The following CFAP299 variants were observed in gnomAD, a reference collection of about 807,000 sequenced individuals.
CFAP299 encodes the protein cilia- and flagella-associated protein 299.
In CFAP299, 21 loss-of-function variants were observed where a neutral mutation model predicts 27.0. The ratio of observed to expected loss-of-function variants is 0.78; its 90% confidence interval spans 0.55 to 1.12. The LOEUF (loss-of-function observed/expected upper bound fraction) is 1.12. Ranked by LOEUF, CFAP299 falls within the 50% of genes most tolerant of loss-of-function variation. CFAP299 has a pLI of 0.00. For synonymous variants in CFAP299, 104 were observed against 98.1 expected, an observed-to-expected ratio of 1.06 and a Z score of -0.36; for missense variants, 310 against 276.6, an observed-to-expected ratio of 1.12 and a Z score of -0.86.
intron 2 of CFAP299, among the ~76,000 whole-genome samples, chr4:80,427,001 C>G (rs1727560925): frequency 6.6e-6 from 1 of 151,958 alleles, no homozygotes; most frequent in Non-Finnish European, 1.5e-5. Flanking sequence ...AGGCTTATGT[C>G]CATTCAAAAT....
intron 3 of CFAP299, among the ~76,000 whole-genome samples, chr4:80,838,620 A>G (rs908901743): frequency 1.1e-4 from 17 of 151,966 alleles, no homozygotes; most frequent in Non-Finnish European, 2.9e-5. Context: ...CCTTTGGTCT[A>G]TGTATCTGTT....
At chr4:80,804,769 T>A (rs1728780767) in intron 3 of CFAP299, among the ~76,000 whole-genome samples, 1 of 152,192 alleles carries the variant, frequency 6.6e-6, no homozygotes, top group African/African-American at 2.4e-5. Flanking sequence ...TGTCTTCGGA[T>A]CTAAAATGAG....
intron 2 of CFAP299, among the ~76,000 whole-genome samples, chr4:80,406,473 T>G (rs1330904213): frequency 1.3e-5 from 2 of 152,194 alleles, no homozygotes; most frequent in Non-Finnish European, 2.9e-5. Flanking sequence ...TAAGGAATCC[T>G]TCCACCTCAG....
rs1233355491 is a variant in CFAP299 at position 80,337,194 on chromosome 4, CAAA to C, written c.111+1319_111+1321del. On this transcript the variant is annotated intron_variant, in intron 1 of 5. Transcript: ENST00000358105. ...CTAAATTTTTGAATGTTTAAATAAA[CAAA>C]AAATGAAATATACGCTATAAACATC... 2.0e-5 allele frequency among the ~76,000 whole-genome samples: 3 copies of C among 152,066 alleles called. No homozygotes were observed. In the South Asian group the frequency reaches 6.2e-4, roughly 32 times the overall value.
At chr4:80,798,857 C>T (rs1177095631) in intron 3 of CFAP299, among the ~76,000 whole-genome samples, 1 of 151,724 alleles carries the variant, frequency 6.6e-6, no homozygotes, top group African/African-American at 2.4e-5. Flanking sequence ...ATGTCAAATG[C>T]ATTTATTTTG....
At chr4:80,849,910 G>A (rs1731415271) in intron 3 of CFAP299, among the ~76,000 whole-genome samples, 1 of 151,972 alleles carries the variant, frequency 6.6e-6, no homozygotes, top group Non-Finnish European at 1.5e-5. Flanking sequence ...TTGAGGTGAT[G>A]GATATGCTAA....
chr4:80,639,675 A>T (rs983462659), intron 3 of CFAP299: 14 of 153,148 alleles, frequency 9.1e-5, no homozygotes, highest in Non-Finnish European at 7.3e-5. Context: ...GTTTTTATTT[A>T]TTTATTTATT....
At chr4:80,550,926 A>G (rs1734482826) in intron 2 of CFAP299, among the ~76,000 whole-genome samples, 1 of 152,110 alleles carries the variant, frequency 6.6e-6, no homozygotes, top group Non-Finnish European at 1.5e-5. Context: ...CCTGAAAGTA[A>G]TGGGTTTTAC....
intron 3 of CFAP299, among the ~76,000 whole-genome samples, chr4:80,819,838 G>T (rs1425469665): frequency 6.6e-6 from 1 of 151,978 alleles, no homozygotes; most frequent in Non-Finnish European, 1.5e-5. Flanking sequence ...TCTAAAAAGG[G>T]CTCCATTCTT....
chr4:80,934,687 C>A (rs1201423175), intron 4 of CFAP299, among the ~76,000 whole-genome samples: 1 of 151,824 alleles, frequency 6.6e-6, no homozygotes, highest in East Asian at 1.9e-4. Flanking sequence ...GGTAAGTGTT[C>A]ATAATAGTGT....
At chr4:80,611,343 G>T (rs879297047) in intron 3 of CFAP299, among the ~76,000 whole-genome samples, 2 of 152,074 alleles carry the variant, frequency 1.3e-5, no homozygotes, top group African/African-American at 2.4e-5. Context: ...CAGGGGACAT[G>T]TGGGAATGCT....
chr4:80,799,820 T>A (rs1287746446), intron 3 of CFAP299, among the ~76,000 whole-genome samples: 1 of 36,512 alleles, frequency 2.7e-5, no homozygotes, highest in African/African-American at 1.3e-4. Flanking sequence ...AATATATATA[T>A]TATATATATT....
chr4:80,567,708 T>A (rs1359193927), intron 2 of CFAP299, among the ~76,000 whole-genome samples: 1 of 143,354 alleles, frequency 7.0e-6, no homozygotes, highest in Non-Finnish European at 1.5e-5. Context: ...CAATTTTCAC[T>A]TAAAAATGCT....
intron 2 of CFAP299, among the ~76,000 whole-genome samples, chr4:80,392,636 A>G (rs928973906): frequency 2.0e-5 from 3 of 152,130 alleles, no homozygotes; most frequent in Non-Finnish European, 4.4e-5. Flanking sequence ...CATGATTGTA[A>G]GATTCCTAAG....
chr4:80,758,448 G>A (rs949575213), intron 3 of CFAP299, among the ~76,000 whole-genome samples: 5 of 152,116 alleles, frequency 3.3e-5, no homozygotes, highest in African/African-American at 1.2e-4. Flanking sequence ...GCATAGGATG[G>A]GGGGAAGGGA....
At chr4:80,512,246 A>G (rs201563702) in intron 2 of CFAP299, among the ~76,000 whole-genome samples, 2,210 of 135,024 alleles carry the variant, frequency 0.016, 32 homozygotes, top group South Asian at 0.085. Context: ...GTGTGTGTGC[A>G]TGTGTGTGTG....
chr4:80,642,360 T>A (rs1210978241), intron 3 of CFAP299, among the ~76,000 whole-genome samples: 1 of 152,108 alleles, frequency 6.6e-6, no homozygotes, highest in Non-Finnish European at 1.5e-5. Flanking sequence ...TCAGGGAAAA[T>A]GGTTTGTGAG....
intron 2 of CFAP299, among the ~76,000 whole-genome samples, chr4:80,378,142 A>G (rs1414820499): frequency 2.6e-5 from 4 of 152,208 alleles, no homozygotes; most frequent in Non-Finnish European, 5.9e-5. Context: ...AGCTTTCAGT[A>G]TCTTGCAAAT....
At chr4:80,764,139 A>G (rs1032181983) in intron 3 of CFAP299, among the ~76,000 whole-genome samples, 8 of 152,214 alleles carry the variant, frequency 5.3e-5, no homozygotes, top group Non-Finnish European at 1.2e-4. Context: ...ACACAGCAAA[A>G]GAAACTATCA....
Sources: allele counts gnomAD v4.1 joint callset (sites outside exome capture counted in the v4.1 genomes callset), GRCh38; gene constraint gnomAD v4.1.1; transcripts MANE v1.5; gene names NCBI Gene and HGNC (gene_info 2026-07-23, HGNC 2026-07-21).